The following ZNF722 variants were observed in gnomAD, a reference collection of about 807,000 sequenced individuals.
The protein encoded by ZNF722 is zinc finger protein 479 pseudogene.
At chr7:64,004,992 A>T in the ZNF722 span, among the ~76,000 whole-genome samples, 6 of 152,232 alleles carry the variant, frequency 3.9e-5, no homozygotes, top group African/African-American at 1.2e-4. Flanking sequence ...TCTATCTGAG[A>T]AATAACACAA....
the ZNF722 span, among the ~76,000 whole-genome samples, chr7:64,004,425 A>AAAAAATATATATATAT: frequency 3.3e-5 from 2 of 61,110 alleles, no homozygotes; most frequent in African/African-American, 1.6e-4. Flanking sequence ...AAAAAAAAAA[A>AAAAAATATATATATAT]ATATATATAT....
the ZNF722 span, among the ~76,000 whole-genome samples, chr7:64,011,786 A>G: frequency 6.6e-6 from 1 of 152,012 alleles, no homozygotes; most frequent in Non-Finnish European, 1.5e-5. Context: ...CTGAATTTGA[A>G]TGTTGGCCTG....
the ZNF722 span, among the ~76,000 whole-genome samples, chr7:64,004,426 AT>A: frequency 0.31 from 14,717 of 46,856 alleles, 1,212 homozygotes; most frequent in East Asian, 0.43. Flanking sequence ...AAAAAAAAAA[AT>A]ATATATATAT....
the ZNF722 span, among the ~76,000 whole-genome samples, chr7:64,006,556 A>C: frequency 6.6e-6 from 1 of 152,216 alleles, no homozygotes; most frequent in Non-Finnish European, 1.5e-5. Context: ...AGTGTGAGCC[A>C]GAGTTTTCTT....
the ZNF722 span, chr7:64,015,547 G>T: frequency 2.5e-6 from 4 of 1,613,320 alleles, no homozygotes; most frequent in Non-Finnish European, 8.5e-7. Context: ...AGACATAAGA[G>T]AATTCATACT....
chr7:64,003,247 G>A, the ZNF722 span, among the ~76,000 whole-genome samples: 2 of 151,960 alleles, frequency 1.3e-5, no homozygotes, highest in African/African-American at 2.4e-5. Context: ...CAGGGAAAAA[G>A]AAACTTATAT....
At chr7:63,999,734 G>T in the ZNF722 span, among the ~76,000 whole-genome samples, 1 of 152,134 alleles carries the variant, frequency 6.6e-6, no homozygotes, top group Non-Finnish European at 1.5e-5. Flanking sequence ...GTCTCGCTCT[G>T]TCACCCAGGC....
chr7:63,999,669 C>A, the ZNF722 span, among the ~76,000 whole-genome samples: 1 of 152,054 alleles, frequency 6.6e-6, no homozygotes, highest in African/African-American at 2.4e-5. Context: ...GAATTTTTTT[C>A]TTCAATATAA....
At chr7:64,002,415 A>G in the ZNF722 span, among the ~76,000 whole-genome samples, 14 of 152,280 alleles carry the variant, frequency 9.2e-5, no homozygotes, top group Non-Finnish European at 1.8e-4. Context: ...TTTTGGCTCT[A>G]ACTAGTTTCA....
At chr7:64,004,425 A>AATATATATAT in the ZNF722 span, among the ~76,000 whole-genome samples, 135 of 61,050 alleles carry the variant, frequency 2.2e-3, no homozygotes, top group East Asian at 4.4e-3. Flanking sequence ...AAAAAAAAAA[A>AATATATATAT]ATATATATAT....
chr7:64,004,424 AAATATATATATATAT>A, the ZNF722 span, among the ~76,000 whole-genome samples: 2 of 90,714 alleles, frequency 2.2e-5, no homozygotes, highest in South Asian at 4.1e-4. Flanking sequence ...AAAAAAAAAA[AAATATATATATATAT>A]ATATATATAT....
the ZNF722 span, chr7:64,015,072 A>G: frequency 7.2e-7 from 1 of 1,379,982 alleles, no homozygotes; most frequent in South Asian, 1.2e-5. Context: ...AGAGCAGGGC[A>G]TAAAACATTC....
chr7:64,013,333 A>T, the ZNF722 span, among the ~76,000 whole-genome samples: 1 of 152,118 alleles, frequency 6.6e-6, no homozygotes, highest in Admixed American at 6.6e-5. Context: ...CTATACATAT[A>T]GATAGACATA....
At chr7:63,999,012 G>C in the ZNF722 span, 2,213 of 1,577,030 alleles carry the variant, frequency 1.4e-3, 49 homozygotes, top group South Asian at 0.023. Context: ...TGAGTGCTGG[G>C]TCTGTCATCG....
At chr7:64,015,428 C>T in the ZNF722 span, 2 of 1,590,474 alleles carry the variant, frequency 1.3e-6, no homozygotes, top group Non-Finnish European at 8.6e-7. Flanking sequence ...GCGGCAAATC[C>T]TTTAAACGCT....
At chr7:64,012,462 T>C in the ZNF722 span, among the ~76,000 whole-genome samples, 1 of 152,182 alleles carries the variant, frequency 6.6e-6, no homozygotes, top group Admixed American at 6.6e-5. Context: ...GGTTTTGGTG[T>C]GGTTGTCCTT....
At chr7:64,002,491 A>G in the ZNF722 span, among the ~76,000 whole-genome samples, 1 of 152,118 alleles carries the variant, frequency 6.6e-6, no homozygotes, top group African/African-American at 2.4e-5. Context: ...TGATTATTCA[A>G]TTTTTATGTA....
chr7:63,999,684 T>G, the ZNF722 span, among the ~76,000 whole-genome samples: 3 of 152,166 alleles, frequency 2.0e-5, no homozygotes, highest in African/African-American at 7.2e-5. Context: ...ATATAATAAT[T>G]TACAAGAAAT....
At chr7:64,007,604 G>C in the ZNF722 span, among the ~76,000 whole-genome samples, 5 of 152,086 alleles carry the variant, frequency 3.3e-5, no homozygotes, top group Admixed American at 6.6e-5. Flanking sequence ...GTATTCCATG[G>C]TGTATATGTG....
Sources: gnomAD v4.1 joint callset for allele counts (sites outside exome capture counted in the v4.1 genomes callset) on GRCh38, gnomAD v4.1.1 for gene constraint, MANE v1.5 for transcripts, NCBI Gene and HGNC (gene_info 2026-07-23, HGNC 2026-07-21) for gene names.